Variants in TTLL5 observed in about 807,000 individuals in gnomAD.
TTLL5 encodes tubulin polyglutamylase TTLL5.
In TTLL5, 132 loss-of-function variants were observed where a neutral mutation model predicts 168.4. The observed-to-expected ratio is 0.78, with a 90% CI of 0.68 to 0.91. The LOEUF is 0.91. Ranked by LOEUF, TTLL5 falls within the 40% of genes least tolerant of loss-of-function variation. The pLI, the probability that TTLL5 is intolerant of heterozygous loss-of-function variation, is 0.00. For synonymous variants in TTLL5, 546 were observed against 558.6 expected, an observed-to-expected ratio of 0.98 and a Z score of 0.32; for missense variants, 1,545 against 1,581.5, an observed-to-expected ratio of 0.98 and a Z score of 0.39.
intron 31 of TTLL5, among the ~76,000 whole-genome samples, chr14:75,905,285 A>G (rs1437817374): frequency 6.6e-6 from 1 of 152,200 alleles, no homozygotes; most frequent in Non-Finnish European, 1.5e-5. Flanking sequence ...CTATAGCAGA[A>G]GTCTGTTTTC....
intron 7 of TTLL5, among the ~76,000 whole-genome samples, chr14:75,700,536 G>A (rs1212034831): frequency 6.6e-6 from 1 of 152,140 alleles, no homozygotes; most frequent in Admixed American, 6.5e-5. Context: ...CACTGCACAT[G>A]CAGACAGCTT....
chr14:75,906,285 T>TG (rs1442645776), intron 31 of TTLL5, among the ~76,000 whole-genome samples: 3 of 152,324 alleles, frequency 2.0e-5, no homozygotes, highest in Middle Eastern at 3.4e-3. Flanking sequence ...TTGGAGCTCC[T>TG]GGGTGGATCT....
rs577933105 is a variant in TTLL5, at chr14:75,667,301, G to A, written c.75-2115G>A. The stretch of plus-strand genomic sequence containing the variant: ...GCATAGTGGTGCCAGCTGGTAGCTA[G>A]TGCTAGATTGACAGAGAACTTTGGA... On this transcript the variant is annotated intron_variant, in intron 2 of 31. Coordinates refer to ENST00000298832, the MANE Select transcript of TTLL5 (RefSeq NM_015072.5). 2.0e-5 allele frequency among the ~76,000 whole-genome samples: 3 copies of A among 152,350 alleles called. No homozygotes were observed. In the East Asian group the frequency reaches 5.8e-4, roughly 29 times the overall value.
At position 75,735,253 on chromosome 14, in the gene TTLL5, T is replaced by A. The variant is rs1394272444; in HGVS notation, c.1245T>A (p.Phe415Leu). ...RASTRPIYPT[F>L]ESSRRNPFQK... ...CAACTCGGCCAATTTATCCCACCTT[T>A]GAGTCTTCCAGGCGAAACCCTTTCC... The change falls in exon 15 of 32, where the codon TTT (phenylalanine) becomes TTA (leucine). Residue 415 changes from phenylalanine to leucine, a missense_variant. Transcript: ENST00000298832. 2.5e-6 allele frequency: 4 copies of A among 1,614,224 alleles called. No individual in the cohort carries two copies. The highest frequency in any genetic ancestry group is 3.4e-6 in the Non-Finnish European group (4 of 1,179,998).
intron 15 of TTLL5, among the ~76,000 whole-genome samples, chr14:75,736,546 G>C (rs903147398): frequency 6.6e-6 from 1 of 152,174 alleles, no homozygotes; most frequent in Non-Finnish European, 1.5e-5. Context: ...AGGGATGGCT[G>C]TTTTACTAAT....
intron 28 of TTLL5, among the ~76,000 whole-genome samples, chr14:75,826,287 G>C (rs1895124458): frequency 1.6e-5 from 2 of 123,122 alleles, no homozygotes; most frequent in Admixed American, 7.9e-5. Context: ...TATTTCCTTA[G>C]GATACGCGTA....
chr14:75,792,709 A>C (rs1000426863), intron 26 of TTLL5, among the ~76,000 whole-genome samples: 1 of 152,202 alleles, frequency 6.6e-6, no homozygotes, highest in African/African-American at 2.4e-5. Flanking sequence ...TAAATAATGC[A>C]TGTGGCAGTT....
chr14:75,792,873 CTTT>C (rs745792702), intron 26 of TTLL5, 40 bp from the exon 27 acceptor site: 17 of 1,492,592 alleles, frequency 1.1e-5, no homozygotes, highest in Non-Finnish European at 1.5e-5. Context: ...TTTTTCAGGC[CTTT>C]TTTTCCTAAA....
chr14:75,681,915 T>G (rs1884646131), intron 4 of TTLL5, among the ~76,000 whole-genome samples: 1 of 151,938 alleles, frequency 6.6e-6, no homozygotes, highest in African/African-American at 2.4e-5. Flanking sequence ...CCAATTAAGG[T>G]TCTTTGATTG....
intron 31 of TTLL5, among the ~76,000 whole-genome samples, chr14:75,939,508 CT>C (rs1459687406): frequency 1.3e-5 from 2 of 152,224 alleles, no homozygotes; most frequent in Non-Finnish European, 2.9e-5. Context: ...GCCTCAGCCC[CT>C]GAGTGGCTGG....
chr14:75,789,314 ATAAG>A (rs1308587501), intron 26 of TTLL5, among the ~76,000 whole-genome samples: 8 of 152,214 alleles, frequency 5.3e-5, no homozygotes, highest in Non-Finnish European at 1.2e-4. Context: ...AAGATCAAGT[ATAAG>A]CATAAGGATC....
intron 31 of TTLL5, among the ~76,000 whole-genome samples, chr14:75,914,597 TG>T (rs1474723666): frequency 1.3e-5 from 2 of 149,990 alleles, no homozygotes; most frequent in African/African-American, 4.9e-5. Flanking sequence ...TGTAAAATAA[TG>T]AATGATTGAT....
At chr14:75,770,004 C>CTCTA in intron 20 of TTLL5, among the ~76,000 whole-genome samples, 1 of 151,728 alleles carries the variant, frequency 6.6e-6, no homozygotes, top group East Asian at 1.9e-4. Context: ...CATGGTGAAA[C>CTCTA]TCTATCTCTA....
At chr14:75,884,749 T>G (rs2032011005) in intron 30 of TTLL5, among the ~76,000 whole-genome samples, 1 of 152,122 alleles carries the variant, frequency 6.6e-6, no homozygotes, top group South Asian at 2.1e-4. Context: ...ACATGTGAAA[T>G]GTACAGCGTT....
intron 17 of TTLL5, among the ~76,000 whole-genome samples, chr14:75,747,410 C>G (rs1267405543): frequency 6.6e-6 from 1 of 151,794 alleles, no homozygotes; most frequent in East Asian, 1.9e-4. Context: ...ACTGGTTTTC[C>G]TCATGTTTAT....
rs145549489 is a variant in TTLL5, at chr14:75,717,875, G to A, written c.755G>A (p.Arg252Gln). 5 of 1,613,556 alleles carry A rather than the reference G, an allele frequency of 3.1e-6. No homozygotes were observed. Among genetic ancestry groups the A allele is most frequent in the African/African-American group, 2.7e-5 (2 of 74,858 alleles). ...EEGLARFATV[R>Q]YDQGAKNIRN... ...CCTTCTATCAGGTTTGCAACTGTGCGATATGATCAAGGAGCCAAGAACATT... is the reference window on the plus strand; with the variant it reads ...CCTTCTATCAGGTTTGCAACTGTGCAATATGATCAAGGAGCCAAGAACATT... Residue 252 changes from arginine to glutamine, a missense_variant, in exon 10 of 32, where the codon CGA (arginine) becomes CAA (glutamine). Coordinates refer to ENST00000298832, the MANE Select transcript of TTLL5 (RefSeq NM_015072.5).
intron 28 of TTLL5, among the ~76,000 whole-genome samples, chr14:75,837,978 A>G (rs989800194): frequency 6.6e-6 from 1 of 152,242 alleles, no homozygotes; most frequent in Non-Finnish European, 1.5e-5. Flanking sequence ...ATAAACTGCT[A>G]CAAACATGAG....
intron 20 of TTLL5, among the ~76,000 whole-genome samples, chr14:75,769,826 T>A (rs762573227): frequency 7.9e-5 from 12 of 152,148 alleles, no homozygotes; most frequent in Non-Finnish European, 1.5e-4. Context: ...CAGGGTAAAG[T>A]GATATATGCT....
intron 30 of TTLL5, among the ~76,000 whole-genome samples, chr14:75,889,988 T>G (rs1452399297): frequency 6.6e-6 from 1 of 152,078 alleles, no homozygotes; most frequent in Non-Finnish European, 1.5e-5. Context: ...TTCATAATCT[T>G]CATCATTTTC....
Sources: allele counts gnomAD v4.1 joint callset (sites outside exome capture counted in the v4.1 genomes callset), GRCh38; gene constraint gnomAD v4.1.1; transcripts MANE v1.5; gene names NCBI Gene and HGNC (gene_info 2026-07-23, HGNC 2026-07-21).